MAN1A2: variants seen among roughly 807,000 people sequenced by gnomAD.
MAN1A2 encodes mannosyl-oligosaccharide 1,2-alpha-mannosidase IB.
Under a neutral mutation model 75.7 loss-of-function variants are expected in MAN1A2, and 26 were observed. The ratio of observed to expected loss-of-function variants is 0.34; its 90% CI spans 0.25 to 0.48. The LOEUF is 0.48. Ranked by LOEUF, MAN1A2 falls within the 20% of genes least tolerant of loss-of-function variation. MAN1A2 has a pLI of 0.99. For synonymous variants in MAN1A2, 247 were observed against 264.6 expected, an observed-to-expected ratio of 0.93 and a Z score of 0.65; for missense variants, 562 against 775.5, an observed-to-expected ratio of 0.72 and a Z score of 3.27.
chr1:117,464,131 T>A (rs1649911454), intron 7 of MAN1A2, among the ~76,000 whole-genome samples: 1 of 151,982 alleles, frequency 6.6e-6, no homozygotes. Flanking sequence ...TTTGGGAGGC[T>A]GAGGTGGGTG....
At chr1:117,382,463 C>G (rs559796787) in intron 1 of MAN1A2, among the ~76,000 whole-genome samples, 1 of 152,154 alleles carries the variant, frequency 6.6e-6, no homozygotes, top group African/African-American at 2.4e-5. Context: ...TCTTGTTTTT[C>G]TCAGGTTTGT....
At chr1:117,370,275 C>G (rs562196597) in intron 1 of MAN1A2, among the ~76,000 whole-genome samples, 4 of 152,234 alleles carry the variant, frequency 2.6e-5, no homozygotes, top group South Asian at 4.2e-4. Context: ...GGTTTGTGAG[C>G]CATGCCCTGA....
At chr1:117,489,535 C>T (rs17037333) in intron 8 of MAN1A2, among the ~76,000 whole-genome samples, 18,231 of 151,850 alleles carry the variant, frequency 0.12, 1,150 homozygotes, top group Non-Finnish European at 0.14. Context: ...CAGGAGTCGT[C>T]GTTTATGAGA....
chr1:117,428,784 CTTTTTTT>C (rs780515731), intron 5 of MAN1A2, among the ~76,000 whole-genome samples: 1,461 of 110,190 alleles, frequency 0.013, 29 homozygotes, highest in African/African-American at 0.047. Context: ...GGAGACCTTT[CTTTTTTT>C]TTTTTTTTTT....
intron 8 of MAN1A2, among the ~76,000 whole-genome samples, chr1:117,485,814 A>G (rs947071014): frequency 6.6e-6 from 1 of 151,974 alleles, no homozygotes; most frequent in Non-Finnish European, 1.5e-5. Context: ...GTCTCCCTTC[A>G]TTGTGAAATT....
chr1:117,387,998 A>G (rs1390961097), intron 1 of MAN1A2, among the ~76,000 whole-genome samples: 6 of 68,704 alleles, frequency 8.7e-5, no homozygotes, highest in African/African-American at 1.2e-4. Flanking sequence ...CCCTCCCCCT[A>G]TCATCTCCAA....
At position 117,525,133 on chromosome 1, in the gene MAN1A2, C is replaced by A. The variant is rs1403986125; in HGVS notation, c.*2176C>A. The A allele has an allele frequency of 1.9e-6, 1 of 528,824 alleles. No homozygotes were observed. Among genetic ancestry groups the A allele is most frequent in the Non-Finnish European group, 3.9e-6 (1 of 258,112 alleles). 32.8% of individuals were successfully genotyped at this position (528,824 alleles called of 1,614,324 possible). A position where few individuals can be genotyped will look rare whatever the true frequency, so the allele number is the denominator to read the frequency against. ...GAGACAGAACCCCTACTTCCAAGTGCTCTATTTGTATTACCCAGATGACTG... is the reference window on the plus strand; with the variant it reads ...GAGACAGAACCCCTACTTCCAAGTGATCTATTTGTATTACCCAGATGACTG... On this transcript the variant is annotated 3_prime_UTR_variant, in exon 13 of 13. Transcript: ENST00000356554.
chr1:117,423,804 G>A (rs1648274209), intron 5 of MAN1A2, among the ~76,000 whole-genome samples: 1 of 151,934 alleles, frequency 6.6e-6, no homozygotes, highest in African/African-American at 2.4e-5. Context: ...CATTTTAAGT[G>A]TGCAGTTCAG....
chr1:117,469,384 G>A (rs1025850455), intron 8 of MAN1A2, among the ~76,000 whole-genome samples: 5 of 152,018 alleles, frequency 3.3e-5, no homozygotes, highest in Non-Finnish European at 5.9e-5. Flanking sequence ...GAAAATCTTC[G>A]TGACCTTTGA....
chr1:117,477,955 GT>G (rs1481841543), intron 8 of MAN1A2, among the ~76,000 whole-genome samples: 3 of 152,048 alleles, frequency 2.0e-5, no homozygotes, highest in Non-Finnish European at 4.4e-5. Flanking sequence ...CAAAATCAAT[GT>G]GCAAAAATCA....
At chr1:117,429,578 G>A (rs1445425939) in intron 5 of MAN1A2, among the ~76,000 whole-genome samples, 1 of 111,590 alleles carries the variant, frequency 9.0e-6, no homozygotes, top group Non-Finnish European at 2.0e-5. Flanking sequence ...GCCGGGCGGG[G>A]GGCTGACCCC....
intron 12 of MAN1A2, among the ~76,000 whole-genome samples, chr1:117,519,527 T>C (rs536382185): frequency 1.1e-3 from 168 of 151,962 alleles, no homozygotes; most frequent in Non-Finnish European, 2.1e-3. Flanking sequence ...ATACAAAAGA[T>C]CATTCAAGGC....
chr1:117,424,160 G>T (rs1238967305), intron 5 of MAN1A2, among the ~76,000 whole-genome samples: 1 of 152,064 alleles, frequency 6.6e-6, no homozygotes, highest in Non-Finnish European at 1.5e-5. Flanking sequence ...TTATTTTTCT[G>T]TATAGAGAAT....
At chr1:117,393,658 A>AT (rs558070916) in intron 1 of MAN1A2, among the ~76,000 whole-genome samples, 7 of 150,984 alleles carry the variant, frequency 4.6e-5, no homozygotes, top group East Asian at 1.9e-4. Context: ...TTCATTTAGC[A>AT]TTTTTTTTTA....
At chr1:117,470,246 C>G (rs1237909205) in intron 8 of MAN1A2, among the ~76,000 whole-genome samples, 1 of 152,022 alleles carries the variant, frequency 6.6e-6, no homozygotes, top group Non-Finnish European at 1.5e-5. Context: ...CCACTTATAT[C>G]AAATATCTAG....
intron 8 of MAN1A2, among the ~76,000 whole-genome samples, chr1:117,487,484 A>G (rs1650748633): frequency 6.6e-6 from 1 of 152,072 alleles, no homozygotes; most frequent in South Asian, 2.1e-4. Context: ...GAAAACTAAA[A>G]GCTATACAAG....
intron 8 of MAN1A2, among the ~76,000 whole-genome samples, chr1:117,492,373 A>AGAT (rs1217484672): frequency 6.6e-6 from 1 of 152,166 alleles, no homozygotes; most frequent in Non-Finnish European, 1.5e-5. Flanking sequence ...TGAAAGCCTC[A>AGAT]GATCATTTGC....
In MAN1A2 at chr1:117,511,913, A is replaced by G. The variant is rs184554997; in HGVS notation, c.1793+8943A>G. ...TTTGGGTTATTGTTTTATCCGCAGT[A>G]TCTACGGTAGGGCCACTCATATACT... On this transcript the variant is annotated intron_variant, in intron 12 of 12. Transcript: ENST00000356554. Among the ~76,000 whole-genome samples, 4 of 152,258 alleles carry G rather than the reference A, an allele frequency of 2.6e-5. No homozygotes were observed. In the East Asian group the frequency reaches 7.7e-4, roughly 29 times the overall value.
chr1:117,449,564 A>AG (rs1416341335), intron 6 of MAN1A2, among the ~76,000 whole-genome samples: 1 of 151,882 alleles, frequency 6.6e-6, no homozygotes, highest in Non-Finnish European at 1.5e-5. Context: ...GTCTCAAAAA[A>AG]AAAAAAAAAA....
Sources: gnomAD v4.1 joint callset for allele counts (sites outside exome capture counted in the v4.1 genomes callset) on GRCh38, gnomAD v4.1.1 for gene constraint, MANE v1.5 for transcripts, NCBI Gene and HGNC (gene_info 2026-07-23, HGNC 2026-07-21) for gene names.